OPHN1: variants seen among roughly 807,000 people sequenced by gnomAD.
OPHN1 encodes oligophrenin-1.
OPHN1 carries 11 observed loss-of-function variants against 60.7 expected under a neutral mutation model. The observed-to-expected ratio is 0.18, with a 90% CI of 0.11 to 0.30. The LOEUF (loss-of-function observed/expected upper bound fraction) is 0.30, where lower values mean the gene tolerates loss of function less well. Ranked by LOEUF, OPHN1 falls within the 10% of genes least tolerant of loss-of-function variation. The pLI, the probability that OPHN1 is intolerant of heterozygous loss-of-function variation, is 1.00. For synonymous variants in OPHN1, 226 were observed against 222.6 expected (o/e 1.02, Z -0.14); for missense variants, 449 against 611.0 (o/e 0.73, Z 2.80).
At chrX:68,290,062 C>A (rs1036550683) in intron 3 of OPHN1, among the ~76,000 whole-genome samples, 1 of 110,881 alleles carries the variant, frequency 9.0e-6, no homozygotes, top group African/African-American at 3.3e-5. Flanking sequence ...TTAATTAAAT[C>A]TAGCTCTCAG....
Position 68,085,441 on chromosome X carries a change from G to A in OPHN1, c.1686+11429C>T, listed in dbSNP as rs1021477302. Among the ~76,000 whole-genome samples, 7 of 112,083 alleles carry A rather than the reference G, an allele frequency of 6.2e-5. No homozygotes were observed. The South Asian group carries it at 2.6e-3, about 42-fold the overall frequency. On this transcript the variant is annotated intron_variant, in intron 19 of 24. Coordinates refer to ENST00000355520, the MANE Select transcript of OPHN1 (RefSeq NM_002547.3). ...TTCAGAGCACTTGCCACCACCTGAT[G>A]TATTGTTTATCTCCAGCAGAACATA...
At chrX:68,182,211 T>TTTC (rs1555950123) in intron 15 of OPHN1, among the ~76,000 whole-genome samples, 3 of 99,762 alleles carry the variant, frequency 3.0e-5, no homozygotes, top group Non-Finnish European at 6.0e-5. Flanking sequence ...TTTTTTTTTT[T>TTTC]CCTATGATGG....
intron 8 of OPHN1, among the ~76,000 whole-genome samples, chrX:68,211,849 A>G (rs1211463624): frequency 8.9e-6 from 1 of 112,148 alleles, no homozygotes; most frequent in African/African-American, 3.2e-5. Flanking sequence ...AATTAGCAAT[A>G]CTTAATAAAT....
In OPHN1 at chrX:68,096,882, C is replaced by T. The variant is rs2077040199; in HGVS notation, c.1674G>A (p.Glu558=). The part of the protein sequence containing the change: ...FQNIVVEILI[E]HFGKIYLGPP... ...AGAAAATGCATACCTTGCCAAAGTG[C>T]TCGATTAGTATTTCCACCACTATGT... Residue 558 remains glutamate, a synonymous_variant, in exon 19 of 25, where the codon GAG becomes GAA. Transcript: ENST00000355520. The T allele has an allele frequency of 8.3e-7, 1 of 1,210,444 alleles. No homozygotes were observed. Among genetic ancestry groups the T allele is most frequent in the Non-Finnish European group, 1.1e-6 (1 of 894,993 alleles).
chrX:68,356,726 A>G (rs1366588069), intron 2 of OPHN1, among the ~76,000 whole-genome samples: 2 of 111,111 alleles, frequency 1.8e-5, no homozygotes, highest in Non-Finnish European at 3.8e-5. Context: ...CTTTCTGTAT[A>G]TATATATAGA....
intron 2 of OPHN1, among the ~76,000 whole-genome samples, chrX:68,354,594 C>T (rs7059165): frequency 0.081 from 8,372 of 103,045 alleles, 905 homozygotes; most frequent in African/African-American, 0.28. Flanking sequence ...CCCGACTCTA[C>T]TAAAAAAAAA....
chrX:68,397,168 T>G (rs1377862285), intron 2 of OPHN1, among the ~76,000 whole-genome samples: 1 of 112,218 alleles, frequency 8.9e-6, no homozygotes, highest in Non-Finnish European at 1.9e-5. Context: ...GTAATGGAAG[T>G]TCTATTTAGA....
chrX:68,106,578 T>G, intron 18 of OPHN1, among the ~76,000 whole-genome samples: 1 of 111,717 alleles, frequency 9.0e-6, no homozygotes, highest in South Asian at 3.8e-4. Context: ...ATTCCACTGG[T>G]AGTAAGATTG....
intron 2 of OPHN1, among the ~76,000 whole-genome samples, chrX:68,320,574 C>A (rs1569279372): frequency 9.1e-6 from 1 of 110,239 alleles, no homozygotes; most frequent in African/African-American, 3.3e-5. Context: ...CACAACACAG[C>A]AACAATCAAC....
At chrX:68,365,386 A>T in intron 2 of OPHN1, among the ~76,000 whole-genome samples, 1 of 111,578 alleles carries the variant, frequency 9.0e-6, no homozygotes, top group Non-Finnish European at 1.9e-5. Context: ...GAACAAGACC[A>T]GTGCAGCAAA....
At chrX:68,198,505 C>T (rs966749664) in intron 11 of OPHN1, among the ~76,000 whole-genome samples, 1 of 111,853 alleles carries the variant, frequency 8.9e-6, no homozygotes, top group African/African-American at 3.2e-5. Flanking sequence ...CCAGAGATAT[C>T]CCAAGCTGTT....
chrX:68,359,309 C>T (rs1294172483), intron 2 of OPHN1, among the ~76,000 whole-genome samples: 1 of 111,439 alleles, frequency 9.0e-6, no homozygotes, highest in Non-Finnish European at 1.9e-5. Flanking sequence ...TAACTACAAG[C>T]CTCCAAGCAT....
Position 68,298,982 on chromosome X carries a change from C to T in OPHN1, c.250+19G>A. On this transcript the variant is annotated intron_variant, in intron 3 of 24. Transcript: ENST00000355520. ...GGCTGCCTCAACAGGTATATGACCA[C>T]ATGTAGCTGAAGACTTACCGATGTT... 9.4e-7 allele frequency: 1 copy of T among 1,058,557 alleles called. No individual in the cohort carries two copies. Among genetic ancestry groups the T allele is most frequent in the Non-Finnish European group, 1.3e-6 (1 of 762,697 alleles). 87.2% of individuals were successfully genotyped at this position (1,058,557 alleles called of 1,213,427 possible). A position where few individuals can be genotyped will look rare whatever the true frequency, so the allele number is the denominator to read the frequency against.
At chrX:68,152,958 C>A (rs1423291196) in intron 15 of OPHN1, among the ~76,000 whole-genome samples, 2 of 109,495 alleles carry the variant, frequency 1.8e-5, no homozygotes, top group African/African-American at 6.6e-5. Flanking sequence ...CATCTGTAAT[C>A]CCAGCACTTT....
At chrX:68,323,149 C>T (rs764036502) in intron 2 of OPHN1, among the ~76,000 whole-genome samples, 4 of 111,810 alleles carry the variant, frequency 3.6e-5, no homozygotes, top group East Asian at 5.7e-4. Flanking sequence ...ATGCATAGAA[C>T]GATACATATA....
intron 21 of OPHN1, 44 bp from the exon 22 acceptor site, chrX:68,053,854 C>T: frequency 8.5e-7 from 1 of 1,177,390 alleles, no homozygotes; most frequent in Non-Finnish European, 1.1e-6. Context: ...GTTAGCCAAA[C>T]AGAACACTAC....
At chrX:68,387,886 G>T (rs1232677915) in intron 2 of OPHN1, among the ~76,000 whole-genome samples, 1 of 111,125 alleles carries the variant, frequency 9.0e-6, no homozygotes, top group African/African-American at 3.3e-5. Context: ...ATGTTTGAGT[G>T]TGATGCAGAG....
At chrX:68,088,877 G>A (rs1170587244) in intron 19 of OPHN1, among the ~76,000 whole-genome samples, 1 of 110,430 alleles carries the variant, frequency 9.1e-6, no homozygotes, top group African/African-American at 3.3e-5. Context: ...TGTAACCCCT[G>A]GGCTGTCTAG....
chrX:68,433,142 C>T lies in OPHN1; in HGVS notation c.-5+26G>A, dbSNP rs976919557. 10 of 721,126 alleles carry T rather than the reference C, an allele frequency of 1.4e-5. No homozygotes were observed. The Admixed American group carries it at 3.3e-4, about 24-fold the overall frequency. 59.4% of individuals were successfully genotyped at this position (721,126 alleles called of 1,213,427 possible). On this transcript the variant is annotated intron_variant, in intron 1 of 24. Transcript: ENST00000355520. ...GCGACCCGCTTAAGGAAGCTCATAG[C>T]CTCCGTCCCTTTGGAGGACAGGTAC...
Sources: gnomAD v4.1 joint callset for allele counts (sites outside exome capture counted in the v4.1 genomes callset) on GRCh38, gnomAD v4.1.1 for gene constraint, MANE v1.5 for transcripts, NCBI Gene and HGNC (gene_info 2026-07-23, HGNC 2026-07-21) for gene names.